The following PCDHA1 variants were observed in gnomAD, a reference collection of about 807,000 sequenced individuals.
PCDHA1 encodes protocadherin alpha 1.
A neutral mutation model predicts 61.3 loss-of-function variants in PCDHA1; 42 were observed. That is an observed-to-expected ratio of 0.69 (90% CI 0.54 to 0.89). The LOEUF (loss-of-function observed/expected upper bound fraction) is 0.89. Among genes scored for constraint, PCDHA1 ranks in the 40% least tolerant of loss-of-function variants. PCDHA1 has a pLI of 0.00. For synonymous variants in PCDHA1, 610 were observed against 553.8 expected, an observed-to-expected ratio of 1.10 and a Z score of -1.43; for missense variants, 1,256 against 1,235.3, an observed-to-expected ratio of 1.02 and a Z score of -0.25.
chr5:140,835,424 T>C (rs2150235453), intron 1 of PCDHA1: 4 of 1,613,962 alleles, frequency 2.5e-6, no homozygotes, highest in South Asian at 2.2e-5. Flanking sequence ...ATGACAATGC[T>C]CCACAGTTGA....
At chr5:141,007,970 T>C (rs986378123) in intron 3 of PCDHA1, among the ~76,000 whole-genome samples, 3 of 152,248 alleles carry the variant, frequency 2.0e-5, no homozygotes, top group Admixed American at 6.5e-5. Flanking sequence ...TCTGGGTGTC[T>C]GTCATGTATA....
At chr5:140,867,383 G>T in intron 1 of PCDHA1, 1 of 152,136 alleles carries the variant, frequency 6.6e-6, no homozygotes, top group East Asian at 1.9e-4. Flanking sequence ...TGGAATTAAC[G>T]GTTATAAAAG....
intron 1 of PCDHA1, chr5:140,883,720 A>G (rs782338608): frequency 4.3e-6 from 7 of 1,613,566 alleles, no homozygotes; most frequent in Middle Eastern, 1.7e-4. Flanking sequence ...ACGCGGACGC[A>G]CAGGAGAACG....
intron 1 of PCDHA1, among the ~76,000 whole-genome samples, chr5:140,879,020 TATTG>T (rs1366518511): frequency 6.6e-6 from 1 of 152,230 alleles, no homozygotes; most frequent in African/African-American, 2.4e-5. Context: ...GATAATGTTT[TATTG>T]AAGAGTGTCT....
chr5:140,993,134 A>G (rs2097542279), intron 3 of PCDHA1, among the ~76,000 whole-genome samples: 1 of 152,238 alleles, frequency 6.6e-6, no homozygotes, highest in African/African-American at 2.4e-5. Flanking sequence ...CTTCTGTTGC[A>G]ACAAGTATAA....
chr5:140,850,168 A>C, intron 1 of PCDHA1: 1 of 1,594,824 alleles, frequency 6.3e-7, no homozygotes, highest in Non-Finnish European at 8.6e-7. Flanking sequence ...GTGCTGGACG[A>C]GAACGACAAT....
chr5:140,809,211 C>G lies in PCDHA1; in HGVS notation c.2394+20527C>G, dbSNP rs1554125084. On this transcript the variant is annotated intron_variant, in intron 1 of 3. Transcript: ENST00000504120. ...GTGTCACTTGTGGAGAGTGGACAGG[C>G]GCCAAAGGCCTCCTCACGGGCGTTG... 2.5e-6 allele frequency: 4 copies of G among 1,613,930 alleles called. No individual in the cohort carries two copies. The highest frequency in any genetic ancestry group is 2.7e-5 in the African/African-American group (2 of 74,942).
At chr5:140,882,688 AATC>A in intron 1 of PCDHA1, 1 of 1,614,196 alleles carries the variant, frequency 6.2e-7, no homozygotes, top group South Asian at 1.1e-5. Context: ...AGAAACGAAT[AATC>A]ATTGCAGAAT....
chr5:140,930,203 T>C (rs1486886896), intron 1 of PCDHA1: 6 of 152,202 alleles, frequency 3.9e-5, no homozygotes, highest in African/African-American at 1.4e-4. Flanking sequence ...ATGTCAGAAA[T>C]ATTTATGTGT....
At chr5:140,941,195 C>T (rs1337267572) in intron 1 of PCDHA1, among the ~76,000 whole-genome samples, 39 of 106,424 alleles carry the variant, frequency 3.7e-4, no homozygotes, top group Non-Finnish European at 4.9e-4. Context: ...CTTTTTTTTT[C>T]TTTCTTCCTT....
intron 1 of PCDHA1, chr5:140,967,765 C>A: frequency 6.2e-7 from 1 of 1,614,234 alleles, no homozygotes; most frequent in Non-Finnish European, 8.5e-7. Context: ...CCTACCAGAT[C>A]TATGTGCAGG....
chr5:140,812,904 C>A (rs995025356), intron 1 of PCDHA1: 1 of 152,164 alleles, frequency 6.6e-6, no homozygotes, highest in African/African-American at 2.4e-5. Context: ...AACAGAATTT[C>A]GTTCAAAATT....
chr5:140,920,728 C>T (rs781955762), intron 1 of PCDHA1, among the ~76,000 whole-genome samples: 8 of 151,974 alleles, frequency 5.3e-5, no homozygotes, highest in Non-Finnish European at 1.0e-4. Context: ...CCTGCAGTCC[C>T]AGCTACTCAG....
At chr5:140,801,779 C>A (rs782318440) in intron 1 of PCDHA1, 1 of 1,613,678 alleles carries the variant, frequency 6.2e-7, no homozygotes, top group South Asian at 1.1e-5. Flanking sequence ...CCCTTGGACT[C>A]GTGTTGAAAA....
chr5:140,852,883 G>GT, intron 1 of PCDHA1: 1 of 933,168 alleles, frequency 1.1e-6, no homozygotes, highest in Non-Finnish European at 1.3e-6. Context: ...ATCATAAAAC[G>GT]TATTTTTTTT....
chr5:140,924,902 A>AAAAAT (rs1554202311), intron 1 of PCDHA1, among the ~76,000 whole-genome samples: 1 of 39,026 alleles, frequency 2.6e-5, no homozygotes, highest in Non-Finnish European at 6.3e-5. Context: ...CTCAAAAAAA[A>AAAAAT]AAATAAAATA....
At chr5:140,865,232 A>T (rs577307618) in intron 1 of PCDHA1, 1 of 152,202 alleles carries the variant, frequency 6.6e-6, no homozygotes, top group Non-Finnish European at 1.5e-5. Context: ...ATCCCAGAGA[A>T]CACGTATTTA....
intron 1 of PCDHA1, among the ~76,000 whole-genome samples, chr5:140,973,377 G>T (rs1176312664): frequency 1.3e-5 from 2 of 152,208 alleles, no homozygotes; most frequent in Non-Finnish European, 2.9e-5. Context: ...ACAATGGTCA[G>T]AATAGACAAA....
intron 1 of PCDHA1, among the ~76,000 whole-genome samples, chr5:140,974,881 C>A (rs191346198): frequency 6.6e-6 from 1 of 152,228 alleles, no homozygotes; most frequent in African/African-American, 2.4e-5. Flanking sequence ...GTCTATGTAT[C>A]CCTTTTCTGA....
Sources: allele counts gnomAD v4.1 joint callset (sites outside exome capture counted in the v4.1 genomes callset), GRCh38; gene constraint gnomAD v4.1.1; transcripts MANE v1.5; gene names NCBI Gene and HGNC (gene_info 2026-07-23, HGNC 2026-07-21).